The following MCF2L2 variants were observed in gnomAD, a reference collection of about 807,000 sequenced individuals.
MCF2L2 encodes the protein MCF.2 cell line derived transforming sequence-like 2.
In MCF2L2, 102 loss-of-function variants were observed where a neutral mutation model predicts 150.2. The observed-to-expected ratio is 0.68, with a 90% CI of 0.58 to 0.80. The LOEUF (loss-of-function observed/expected upper bound fraction) is 0.80, where lower values mean the gene tolerates loss of function less well. Among genes scored for constraint, MCF2L2 ranks in the 30% least tolerant of loss-of-function variants. The pLI, the probability that MCF2L2 is intolerant of heterozygous loss-of-function variation, is 0.00. For missense variants in MCF2L2, 1,256 were observed against 1,372.8 expected (o/e 0.91, Z 1.34); for synonymous variants, 465 against 491.3 (o/e 0.95, Z 0.71).
At chr3:183,384,845 G>A (rs1345777615) in intron 2 of MCF2L2, among the ~76,000 whole-genome samples, 1 of 152,174 alleles carries the variant, frequency 6.6e-6, no homozygotes, top group African/African-American at 2.4e-5. Context: ...TATATTCGTT[G>A]TAGTTGTTGA....
intron 26 of MCF2L2, among the ~76,000 whole-genome samples, chr3:183,193,357 CT>C (rs765523814): frequency 5.3e-4 from 74 of 139,346 alleles, no homozygotes; most frequent in Middle Eastern, 3.7e-3. Flanking sequence ...CTTTTTCTTT[CT>C]TTTTTTTTTT....
chr3:183,228,114 C>T, intron 18 of MCF2L2, 183 bp downstream of exon 18: 1 of 533,912 alleles, frequency 1.9e-6, no homozygotes, highest in Non-Finnish European at 3.4e-6. Flanking sequence ...TATATCAAAC[C>T]ATCATGTTGT....
intron 15 of MCF2L2, among the ~76,000 whole-genome samples, chr3:183,275,965 G>A (rs1311349636): frequency 6.6e-6 from 1 of 152,156 alleles, no homozygotes; most frequent in Non-Finnish European, 1.5e-5. Context: ...CTAACTTAAA[G>A]AACACTAAGA....
chr3:183,252,413 T>C (rs1724594697), intron 15 of MCF2L2, among the ~76,000 whole-genome samples: 1 of 152,226 alleles, frequency 6.6e-6, no homozygotes, highest in Admixed American at 6.5e-5. Context: ...AGGCAGCATA[T>C]GAAAAGAACT....
At chr3:183,199,062 G>T (rs151260914) in intron 25 of MCF2L2, among the ~76,000 whole-genome samples, 2 of 152,138 alleles carry the variant, frequency 1.3e-5, no homozygotes, top group African/African-American at 4.8e-5. Flanking sequence ...TTTAAATCAA[G>T]AACTTATGTT....
At chr3:183,249,477 G>T (rs188647567) in intron 15 of MCF2L2, among the ~76,000 whole-genome samples, 1 of 152,212 alleles carries the variant, frequency 6.6e-6, no homozygotes, top group Admixed American at 6.5e-5. Flanking sequence ...TTCCTTATGC[G>T]TTGGTGTGAA....
At chr3:183,193,177 G>T in intron 26 of MCF2L2, 81 bp from the exon 27 acceptor site, 3 of 1,144,536 alleles carry the variant, frequency 2.6e-6, no homozygotes, top group Non-Finnish European at 1.3e-6. Flanking sequence ...GAGTAACGCT[G>T]GCCCACCTAG....
At chr3:183,276,801 A>G (rs1727175672) in intron 15 of MCF2L2, 71 bp downstream of exon 15, 3 of 1,046,064 alleles carry the variant, frequency 2.9e-6, no homozygotes, top group African/African-American at 3.2e-5. Flanking sequence ...GCTGAGGTGT[A>G]AAAGAGAGGA....
intron 22 of MCF2L2, among the ~76,000 whole-genome samples, chr3:183,208,984 A>C (rs1250126815): frequency 6.6e-6 from 1 of 152,186 alleles, no homozygotes; most frequent in African/African-American, 2.4e-5. Flanking sequence ...TTCTTTGGAA[A>C]ATTTACATAT....
intron 1 of MCF2L2, among the ~76,000 whole-genome samples, chr3:183,424,532 G>C (rs1478416436): frequency 6.6e-6 from 1 of 152,198 alleles, no homozygotes; most frequent in Non-Finnish European, 1.5e-5. Context: ...GTGAGGCCCT[G>C]TGTTAAGTGG....
At chr3:183,234,771 T>C (rs1723740031) in intron 15 of MCF2L2, among the ~76,000 whole-genome samples, 1 of 126,548 alleles carries the variant, frequency 7.9e-6, no homozygotes. Flanking sequence ...TATGTATACA[T>C]GTGCCATGCT....
chr3:183,292,808 T>C (rs1728241424), intron 13 of MCF2L2, among the ~76,000 whole-genome samples: 1 of 152,092 alleles, frequency 6.6e-6, no homozygotes. Context: ...CAATAGATCA[T>C]GACAAGTTAA....
At chr3:183,379,883 A>ATATG (rs1301153987) in intron 2 of MCF2L2, among the ~76,000 whole-genome samples, 13 of 151,592 alleles carry the variant, frequency 8.6e-5, no homozygotes, top group African/African-American at 3.1e-4. Flanking sequence ...ATATACATAT[A>ATATG]TATGTATGTA....
In MCF2L2 at chr3:183,304,968, T is replaced by C. The variant is rs376981796; in HGVS notation, c.1113+4748A>G. Among the ~76,000 whole-genome samples, 9 of 152,356 alleles carry C rather than the reference T, an allele frequency of 5.9e-5. No individual in the cohort carries two copies. The East Asian group carries it at 1.2e-3, about 20-fold the overall frequency. ...CCCAGAATTTATCCCTCTACCTCTG[T>C]AATGTTAATAACAACAGCTAACATC... On this transcript the variant is annotated intron_variant, in intron 10 of 29. Transcript: ENST00000328913.
chr3:183,280,599 G>C (rs1727412976), intron 14 of MCF2L2, among the ~76,000 whole-genome samples: 1 of 151,964 alleles, frequency 6.6e-6, no homozygotes, highest in Non-Finnish European at 1.5e-5. Context: ...TGTAATCCTA[G>C]CGCTTTGGGA....
At chr3:183,216,493 TTAA>T (rs61244701) in intron 21 of MCF2L2, among the ~76,000 whole-genome samples, 2,211 of 139,910 alleles carry the variant, frequency 0.016, 68 homozygotes, top group African/African-American at 0.056. Flanking sequence ...TGTTTATATA[TTAA>T]TTATATATAT....
At chr3:183,182,332 G>GT (rs1399170742) in intron 27 of MCF2L2, among the ~76,000 whole-genome samples, 1 of 146,920 alleles carries the variant, frequency 6.8e-6, no homozygotes, top group Admixed American at 7.2e-5. Context: ...ACAGGTGAGG[G>GT]TGGGGATGCC....
intron 3 of MCF2L2, among the ~76,000 whole-genome samples, chr3:183,356,054 A>C (rs533717737): frequency 6.6e-6 from 1 of 152,040 alleles, no homozygotes; most frequent in Non-Finnish European, 1.5e-5. Context: ...CCTAGGCTAT[A>C]GGAGTTGAAG....
intron 15 of MCF2L2, among the ~76,000 whole-genome samples, chr3:183,243,517 G>A (rs578237686): frequency 6.6e-6 from 1 of 152,316 alleles, no homozygotes; most frequent in Admixed American, 6.5e-5. Context: ...GACAATCTTA[G>A]AAGATTTGAG....
Sources: gnomAD v4.1 joint callset for allele counts (sites outside exome capture counted in the v4.1 genomes callset) on GRCh38, gnomAD v4.1.1 for gene constraint, MANE v1.5 for transcripts, NCBI Gene and HGNC (gene_info 2026-07-23, HGNC 2026-07-21) for gene names.